The following THAP6 variants were observed in gnomAD, a reference collection of about 807,000 sequenced individuals.
THAP6 encodes THAP domain containing 6.
A neutral mutation model predicts 20.0 loss-of-function variants in THAP6; 13 were observed. The ratio of observed to expected loss-of-function variants is 0.65; its 90% CI spans 0.42 to 1.03. The LOEUF (loss-of-function observed/expected upper bound fraction) is 1.03. Ranked by LOEUF, THAP6 falls within the 50% of genes least tolerant of loss-of-function variation. The pLI is 0.00. For synonymous variants in THAP6, 93 were observed against 92.2 expected, an observed-to-expected ratio of 1.01 and a Z score of -0.05; for missense variants, 262 against 261.6, an observed-to-expected ratio of 1.00 and a Z score of -0.01.
At position 75,529,512 on chromosome 4, in the gene THAP6, A is replaced by G. The variant is rs1726588121; in HGVS notation, c.*2298A>G. Reference sequence around the variant, plus strand: ...CATTTTCTCTTTGTTCTAATAGGGAAGCAATTACTGATAGAAATGTGAGAT... The same window carrying G: ...CATTTTCTCTTTGTTCTAATAGGGAGGCAATTACTGATAGAAATGTGAGAT... On this transcript the variant is annotated 3_prime_UTR_variant, in exon 5 of 5. Coordinates refer to ENST00000311638, the MANE Select transcript of THAP6 (RefSeq NM_144721.6). 1.0e-6 allele frequency: 1 copy of G among 985,352 alleles called. No homozygotes were observed. Among genetic ancestry groups the G allele is most frequent in the Admixed American group, 6.1e-5 (1 of 16,272 alleles). The allele number at this position is 985,352 out of a possible 1,614,324, so 61.0% of individuals were successfully genotyped here.
downstream of THAP6, among the ~76,000 whole-genome samples, chr4:75,531,543 C>T (rs1024051012): frequency 6.6e-6 from 1 of 152,212 alleles, no homozygotes; most frequent in African/African-American, 2.4e-5. Flanking sequence ...GGGACCTCAA[C>T]ACAGATGACC....
intron 3 of THAP6, among the ~76,000 whole-genome samples, chr4:75,520,426 A>G (rs1290085952): frequency 6.6e-6 from 1 of 152,198 alleles, no homozygotes; most frequent in Non-Finnish European, 1.5e-5. Flanking sequence ...GCAAATTTAT[A>G]GTCTTACCAT....
At position 75,527,320 on chromosome 4, in the gene THAP6, G is replaced by T. The variant is rs1197203210; in HGVS notation, c.*106G>T. 1 of 1,515,118 alleles carries T rather than the reference G, an allele frequency of 6.6e-7. No individual in the cohort carries two copies. Among genetic ancestry groups the T allele is most frequent in the Non-Finnish European group, 8.8e-7 (1 of 1,134,358 alleles). 93.9% of individuals were successfully genotyped at this position (1,515,118 alleles called of 1,614,324 possible). A position where few individuals can be genotyped will look rare whatever the true frequency, so the allele number is the denominator to read the frequency against. ...ATCCATCATTTAAAGTGCTGCTTTG[G>T]ATTCTCTGGAGCATTATGCATTATA... On this transcript the variant is annotated 3_prime_UTR_variant, in exon 5 of 5. Coordinates refer to ENST00000311638, the MANE Select transcript of THAP6 (RefSeq NM_144721.6).
chr4:75,539,770 T>A, intron 2 of THAP6: 1 of 1,513,608 alleles, frequency 6.6e-7, no homozygotes, highest in Non-Finnish European at 8.8e-7. Context: ...GTGGTGAGAA[T>A]TTTATTTCAT....
downstream of THAP6, among the ~76,000 whole-genome samples, chr4:75,530,920 G>C (rs1186846219): frequency 6.6e-6 from 1 of 152,172 alleles, no homozygotes; most frequent in Non-Finnish European, 1.5e-5. Flanking sequence ...AAGAGAGATG[G>C]TGGAGGCCAC....
chr4:75,530,579 T>C (rs1252214657), downstream of THAP6, among the ~76,000 whole-genome samples: 1 of 152,226 alleles, frequency 6.6e-6, no homozygotes, highest in Admixed American at 6.5e-5. Context: ...TAAGTGATTT[T>C]CCATAGAATG....
At chr4:75,517,267 C>T (rs1164832520) in intron 3 of THAP6, 2 of 250,380 alleles carry the variant, frequency 8.0e-6, no homozygotes, top group Non-Finnish European at 1.6e-5. Context: ...CCACCCTCCT[C>T]GGCGTCCCAA....
In THAP6 at chr4:75,521,862, G is replaced by A. The variant is rs746313876; in HGVS notation, c.414+1G>A. ...AGAATTCCAATCCCAGTTCATTTTTGTAAGTAAATTACTTGCTGAGCTCAT... is the reference window on the plus strand; with the variant it reads ...AGAATTCCAATCCCAGTTCATTTTTATAAGTAAATTACTTGCTGAGCTCAT... On this transcript the variant is annotated splice_donor_variant, in intron 4 of 4. Coordinates refer to ENST00000311638, the MANE Select transcript of THAP6 (RefSeq NM_144721.6). LOFTEE classifies it high-confidence loss of function. 1 of 1,613,010 alleles carries A rather than the reference G, an allele frequency of 6.2e-7. No homozygotes were observed. The highest frequency in any genetic ancestry group is 1.3e-5 in the African/African-American group (1 of 74,856).
chr4:75,534,581 G>C (rs1726797290), downstream of THAP6, among the ~76,000 whole-genome samples: 1 of 152,134 alleles, frequency 6.6e-6, no homozygotes, highest in Non-Finnish European at 1.5e-5. Context: ...TGAAACTAAA[G>C]AGCTTCTGCA....
At chr4:75,526,200 T>C (rs1267170198) in intron 4 of THAP6, among the ~76,000 whole-genome samples, 1 of 152,218 alleles carries the variant, frequency 6.6e-6, no homozygotes, top group Admixed American at 6.5e-5. Flanking sequence ...GCTGCTGTCC[T>C]TGCCAAATAT....
In THAP6 at chr4:75,528,449, T is replaced by C. The variant is rs771339665; in HGVS notation, c.*1235T>C. The C allele has an allele frequency of 2.7e-4, 267 of 985,242 alleles. No individual in the cohort carries two copies. The highest frequency in any genetic ancestry group is 3.1e-4 in the Non-Finnish European group (259 of 829,858). The allele number at this position is 985,242 out of a possible 1,614,324, so 61.0% of individuals were successfully genotyped here. A position where few individuals can be genotyped will look rare whatever the true frequency, so the allele number is the denominator to read the frequency against. ...TACATGGACCTCATTCAGAAGTCCA[T>C]GTTGTAGCAGTTAGAATTTGAGTAT... On this transcript the variant is annotated 3_prime_UTR_variant, in exon 5 of 5. Transcript: ENST00000311638.
intron 3 of THAP6, among the ~76,000 whole-genome samples, chr4:75,545,219 G>A (rs1043616110): frequency 2.6e-5 from 4 of 152,182 alleles, no homozygotes; most frequent in Admixed American, 2.6e-4. Flanking sequence ...AACAATGGCA[G>A]GGCAGAGAGC....
chr4:75,517,566 T>TA (rs1334125183), intron 3 of THAP6: 1 of 152,454 alleles, frequency 6.6e-6, no homozygotes, highest in Non-Finnish European at 1.5e-5. Context: ...AAATGGAAGT[T>TA]AACGTAAGAA....
intron 3 of THAP6, among the ~76,000 whole-genome samples, chr4:75,518,712 C>T (rs1725820589): frequency 6.6e-6 from 1 of 152,152 alleles, no homozygotes; most frequent in African/African-American, 2.4e-5. Context: ...AAATATTTTC[C>T]TACACCGTAG....
At chr4:75,542,039 TG>T (rs1297229204) in intron 2 of THAP6, among the ~76,000 whole-genome samples, 1 of 152,170 alleles carries the variant, frequency 6.6e-6, no homozygotes, top group Non-Finnish European at 1.5e-5. Flanking sequence ...ATCATCCCCC[TG>T]GGACATTGGC....
chr4:75,537,476 C>G (rs1239138889), intron 2 of THAP6, among the ~76,000 whole-genome samples: 3 of 151,606 alleles, frequency 2.0e-5, no homozygotes, highest in Non-Finnish European at 4.4e-5. Flanking sequence ...GGCTCTCATT[C>G]TCTCTCTTTG....
rs570062290 is a variant in THAP6, at chr4:75,536,882, T to C, written c.166-5527T>C. 8.7e-4 allele frequency among the ~76,000 whole-genome samples: 132 copies of C among 152,314 alleles called. 1 individual carries two copies. In the South Asian group the frequency reaches 0.016, roughly 18 times the overall value. ...CAGTAGGTTAAAGGATAGAAAAAGA[T>C]ATCCCTGTGATAACACTAATCAAAA... On this transcript the variant is annotated intron_variant, in intron 2 of 4. Transcript: ENST00000502620.
At chr4:75,516,272 C>G (rs1441584625) in intron 2 of THAP6, among the ~76,000 whole-genome samples, 1 of 152,198 alleles carries the variant, frequency 6.6e-6, no homozygotes, top group African/African-American at 2.4e-5. Context: ...ATCTCCAGAA[C>G]TCCACACTGC....
chr4:75,533,012 C>G (rs371046792), downstream of THAP6, among the ~76,000 whole-genome samples: 2 of 152,190 alleles, frequency 1.3e-5, no homozygotes, highest in African/African-American at 2.4e-5. Flanking sequence ...TCATTACTTA[C>G]GCAAGTTTCT....
Sources: allele counts gnomAD v4.1 joint callset (sites outside exome capture counted in the v4.1 genomes callset), GRCh38; gene constraint gnomAD v4.1.1; transcripts MANE v1.5; gene names NCBI Gene and HGNC (gene_info 2026-07-23, HGNC 2026-07-21).